USP20: variants seen among roughly 807,000 people sequenced by gnomAD.
USP20 encodes the protein ubiquitin specific peptidase 20, also known as ubiquitin carboxyl-terminal hydrolase 20.
A neutral mutation model predicts 124.2 loss-of-function variants in USP20; 80 were observed. That is an observed-to-expected ratio of 0.64 (90% CI 0.54 to 0.78). USP20 has a LOEUF of 0.78. Ranked by LOEUF, USP20 falls within the 30% of genes least tolerant of loss-of-function variation. USP20 has a pLI of 0.00. For synonymous variants in USP20, 481 were observed against 512.3 expected, an observed-to-expected ratio of 0.94 and a Z score of 0.83; for missense variants, 1,043 against 1,244.4, an observed-to-expected ratio of 0.84 and a Z score of 2.44.
intron 15 of USP20, among the ~76,000 whole-genome samples, chr9:129,871,288 C>G (rs370744640): frequency 1.3e-5 from 2 of 151,978 alleles, no homozygotes; most frequent in Non-Finnish European, 2.9e-5. Context: ...TTGTGACTGA[C>G]GGCTTTTACT....
rs541409822 is a variant in USP20 at position 129,843,793 on chromosome 9, G to A, written c.-128-6020G>A. ...ATTTAGTCAAAGTTTCACATTCCTGGTGGCTCACACCTGTAGTTCCAGTAC... is the reference window on the plus strand; with the variant it reads ...ATTTAGTCAAAGTTTCACATTCCTGATGGCTCACACCTGTAGTTCCAGTAC... On this transcript the variant is annotated intron_variant, in intron 1 of 25. Transcript: ENST00000372429. Among the ~76,000 whole-genome samples, 10 of 152,092 alleles carry A rather than the reference G, an allele frequency of 6.6e-5. No homozygotes were observed. In the South Asian group the frequency reaches 1.9e-3, roughly 28 times the overall value.
At chr9:129,863,394 A>G (rs775548589) in intron 9 of USP20, 95 bp downstream of exon 9, 2 of 993,648 alleles carry the variant, frequency 2.0e-6, no homozygotes, top group Non-Finnish European at 2.9e-6. Flanking sequence ...TTCAGCCCCC[A>G]GCGAGGACTT....
At chr9:129,873,077 CTTCTT>C (rs2034202772) in intron 15 of USP20, among the ~76,000 whole-genome samples, 1 of 45,664 alleles carries the variant, frequency 2.2e-5, no homozygotes, top group Non-Finnish European at 5.2e-5. Flanking sequence ...TCTTTTTCTT[CTTCTT>C]TTTTTTTTTT....
intron 3 of USP20, 53 bp from the exon 4 acceptor site, chr9:129,856,254 C>T (rs545879838): frequency 3.8e-6 from 6 of 1,578,564 alleles, no homozygotes; most frequent in Non-Finnish European, 5.2e-6. Flanking sequence ...AGTGCTCAGC[C>T]CCGCAACGGG....
chr9:129,860,221 T>C (rs1339088051), intron 6 of USP20, among the ~76,000 whole-genome samples: 1 of 151,634 alleles, frequency 6.6e-6, no homozygotes, highest in Non-Finnish European at 1.5e-5. Context: ...TCCCAGCTAG[T>C]CAGGAGGCTG....
chr9:129,859,682 A>G (rs2033434325), intron 6 of USP20, among the ~76,000 whole-genome samples: 1 of 152,240 alleles, frequency 6.6e-6, no homozygotes, highest in Non-Finnish European at 1.5e-5. Context: ...AGAAAAGGCT[A>G]TAAAACAGTA....
chr9:129,857,981 A>G lies in USP20; in HGVS notation c.136-69A>G. On this transcript the variant is annotated intron_variant, in intron 4 of 25. Transcript: ENST00000372429. ...GTAGGGGCACTGACTTTGGGATGGA[A>G]CCAGAGACACTGTGTTGACACCATC... The G allele has an allele frequency of 2.1e-6, 3 of 1,441,898 alleles. No homozygotes were observed. In the Admixed American group the frequency reaches 5.0e-5, roughly 24 times the overall value. The allele number at this position is 1,441,898 out of a possible 1,614,324, so 89.3% of individuals were successfully genotyped here. A position where few individuals can be genotyped will look rare whatever the true frequency, so the allele number is the denominator to read the frequency against.
chr9:129,844,506 A>G (rs1249196592), intron 1 of USP20, among the ~76,000 whole-genome samples: 1 of 151,188 alleles, frequency 6.6e-6, no homozygotes, highest in Non-Finnish European at 1.5e-5. Context: ...TGTGCCTGTA[A>G]TCCCAGCTAC....
chr9:129,860,785 CTT>C, intron 6 of USP20, 150 bp from the exon 7 acceptor site: 1 of 756,246 alleles, frequency 1.3e-6, no homozygotes, highest in Non-Finnish European at 2.3e-6. Context: ...AATCCTATCT[CTT>C]TTCACAGTAC....
chr9:129,859,301 T>A (rs914825817), intron 6 of USP20, among the ~76,000 whole-genome samples: 2 of 151,188 alleles, frequency 1.3e-5, no homozygotes, highest in Admixed American at 1.3e-4. Flanking sequence ...TGAGACCGAG[T>A]CTCGCTCTGT....
chr9:129,872,161 T>G (rs916460095), intron 15 of USP20, among the ~76,000 whole-genome samples: 1 of 151,860 alleles, frequency 6.6e-6, no homozygotes, highest in African/African-American at 2.4e-5. Flanking sequence ...TAGGGATTCT[T>G]TTTTTTCTTG....
chr9:129,859,502 G>A (rs1227111402), intron 6 of USP20, among the ~76,000 whole-genome samples: 2 of 151,308 alleles, frequency 1.3e-5, no homozygotes, highest in African/African-American at 2.4e-5. Flanking sequence ...TTGAACTCCT[G>A]ACCTCAAGTG....
At chr9:129,873,386 G>A in intron 15 of USP20, 96 bp from the exon 16 acceptor site, 3 of 1,514,666 alleles carry the variant, frequency 2.0e-6, no homozygotes, top group South Asian at 1.1e-5. Flanking sequence ...GCCCAGCCAG[G>A]TTTTATTTCT....
intron 9 of USP20, 37 bp downstream of exon 9, chr9:129,863,336 G>A (rs1407222867): frequency 6.7e-7 from 1 of 1,490,236 alleles, no homozygotes; most frequent in East Asian, 2.5e-5. Context: ...GCGGTGTGTG[G>A]GGACTGGGGT....
chr9:129,876,888 G>GGCC (rs1339035344), intron 22 of USP20, among the ~76,000 whole-genome samples: 2 of 152,068 alleles, frequency 1.3e-5, no homozygotes, highest in African/African-American at 4.8e-5. Context: ...CAGCATTCTT[G>GGCC]GCCTCTACCC....
At chr9:129,856,988 T>G (rs2033247776) in intron 4 of USP20, among the ~76,000 whole-genome samples, 1 of 152,158 alleles carries the variant, frequency 6.6e-6, no homozygotes, top group Non-Finnish European at 1.5e-5. Flanking sequence ...CTCTGTAGTA[T>G]TTAAAAAATG....
rs1408575169 is a variant in USP20 at position 129,879,847 on chromosome 9, CCTG to C, written c.2584+210_2584+212del. ...GTGTCCTCCAGGTCCCACCCCTCTGCCTGCTGCTGGCCTTGCCCACCCTGCTGT... is the reference window on the plus strand; with the variant it reads ...GTGTCCTCCAGGTCCCACCCCTCTGCCTGCTGGCCTTGCCCACCCTGCTGT... On this transcript the variant is annotated intron_variant, in intron 24 of 25. Coordinates refer to ENST00000372429, the MANE Select transcript of USP20 (RefSeq NM_001110303.4). This position sits in a 1 kb window ranked among gnomAD's most constrained non-coding sequence, Gnocchi z 4.2. 6.6e-6 allele frequency among the ~76,000 whole-genome samples: 1 copy of C among 152,298 alleles called. No homozygotes were observed. Among genetic ancestry groups the C allele is most frequent in the East Asian group, 1.9e-4 (1 of 5,168 alleles).
intron 10 of USP20, 136 bp downstream of exon 10, chr9:129,865,517 C>G: frequency 8.1e-6 from 7 of 861,192 alleles, no homozygotes; most frequent in Non-Finnish European, 1.1e-5. Context: ...GGCTCTCACT[C>G]CTAAGCCCTT....
chr9:129,878,556 G>T (rs781394334), intron 23 of USP20, 116 bp downstream of exon 23: 22 of 890,382 alleles, frequency 2.5e-5, no homozygotes, highest in Non-Finnish European at 3.7e-5. Context: ...CTGCCCCCAG[G>T]TGCCACCCAT....
Sources: gnomAD v4.1 joint callset for allele counts (sites outside exome capture counted in the v4.1 genomes callset) on GRCh38, gnomAD v4.1.1 for gene constraint, Gnocchi (gnomAD v3.1) non-coding constraint, MANE v1.5 for transcripts, NCBI Gene and HGNC (gene_info 2026-07-23, HGNC 2026-07-21) for gene names.